THADA: variants seen among roughly 807,000 people sequenced by gnomAD.
The protein encoded by THADA is THADA armadillo repeat containing, also known as tRNA (32-2'-O)-methyltransferase regulator THADA.
Under a neutral mutation model 219.8 loss-of-function variants are expected in THADA, and 213 were observed. That is an observed-to-expected ratio of 0.97 (90% confidence interval 0.87 to 1.09). The LOEUF is 1.09. Ranked by LOEUF, THADA falls within the 50% of genes least tolerant of loss-of-function variation. THADA has a pLI of 0.00. For missense variants in THADA, 2,956 were observed against 2,311.3 expected (o/e 1.28, Z -5.72); for synonymous variants, 1,018 against 828.9 (o/e 1.23, Z -3.92).
chr2:43,538,174 A>G (rs1326091277), intron 21 of THADA, among the ~76,000 whole-genome samples: 2 of 152,194 alleles, frequency 1.3e-5, no homozygotes, highest in Non-Finnish European at 2.9e-5. Context: ...GGCACTGGGT[A>G]TCAGATAGCC....
intron 19 of THADA, among the ~76,000 whole-genome samples, chr2:43,549,982 C>G (rs1373883652): frequency 2.0e-5 from 3 of 152,080 alleles, no homozygotes; most frequent in African/African-American, 7.2e-5. Flanking sequence ...ATGTAATATA[C>G]TGCTTTCTAA....
chr2:43,454,033 C>G (rs566528443), intron 26 of THADA, among the ~76,000 whole-genome samples: 2 of 152,276 alleles, frequency 1.3e-5, no homozygotes, highest in Non-Finnish European at 2.9e-5. Context: ...CATGCACTAC[C>G]ATGCTTGGCT....
intron 3 of THADA, 65 bp from the exon 4 acceptor site, chr2:43,591,019 A>G: frequency 1.9e-5 from 29 of 1,491,382 alleles, no homozygotes; most frequent in Non-Finnish European, 2.7e-5. Context: ...ATGGTTACAG[A>G]TACTCTTTGA....
intron 28 of THADA, among the ~76,000 whole-genome samples, chr2:43,423,785 G>A (rs1388585333): frequency 6.6e-6 from 1 of 152,078 alleles, no homozygotes; most frequent in Non-Finnish European, 1.5e-5. Context: ...TCTTTGACTG[G>A]AACTTGAAAC....
chr2:43,568,583 A>G (rs911344985), intron 14 of THADA, among the ~76,000 whole-genome samples: 1 of 152,194 alleles, frequency 6.6e-6, no homozygotes, highest in Non-Finnish European at 1.5e-5. Context: ...AAAATTCACA[A>G]TCTCAATCCA....
At chr2:43,514,840 A>C (rs191533327) in intron 22 of THADA, among the ~76,000 whole-genome samples, 898 of 80,572 alleles carry the variant, frequency 0.011, 29 homozygotes, top group African/African-American at 0.04. Context: ...TATATATTTT[A>C]TATATAATAA....
At chr2:43,590,087 T>C (rs1701398690) in intron 4 of THADA, among the ~76,000 whole-genome samples, 1 of 152,300 alleles carries the variant, frequency 6.6e-6, no homozygotes, top group South Asian at 2.1e-4. Flanking sequence ...AAACGGTAAG[T>C]GACAATCTTT....
At chr2:43,264,304 A>G in intron 36 of THADA, among the ~76,000 whole-genome samples, 2 of 129,336 alleles carry the variant, frequency 1.5e-5, no homozygotes, top group Admixed American at 8.0e-5. Context: ...TTTTTTTTTG[A>G]GACGGTGTTT....
chr2:43,573,179 T>C (rs943091268), intron 11 of THADA, among the ~76,000 whole-genome samples, 187 bp from the exon 12 acceptor site: 6 of 152,240 alleles, frequency 3.9e-5, no homozygotes, highest in Non-Finnish European at 7.3e-5. Flanking sequence ...TTTGCCCTTT[T>C]GTCAATCATT....
At chr2:43,338,842 C>G (rs954275146) in intron 30 of THADA, among the ~76,000 whole-genome samples, 1 of 152,160 alleles carries the variant, frequency 6.6e-6, no homozygotes, top group African/African-American at 2.4e-5. Flanking sequence ...AGACCCCACT[C>G]TCAAGTCTGT....
chr2:43,392,444 A>G (rs1673502633), intron 29 of THADA, among the ~76,000 whole-genome samples: 1 of 152,142 alleles, frequency 6.6e-6, no homozygotes, highest in Non-Finnish European at 1.5e-5. Context: ...TCCTGTCTGT[A>G]GAATAGAGTG....
intron 31 of THADA, among the ~76,000 whole-genome samples, chr2:43,317,806 C>T (rs1678248990): frequency 6.6e-6 from 1 of 152,062 alleles, no homozygotes; most frequent in Non-Finnish European, 1.5e-5. Context: ...AGGGCAATTC[C>T]CTGAGGACTG....
At chr2:43,475,778 A>G (rs945942639) in intron 26 of THADA, among the ~76,000 whole-genome samples, 1 of 152,254 alleles carries the variant, frequency 6.6e-6, no homozygotes, top group Non-Finnish European at 1.5e-5. Flanking sequence ...TTATGGAATC[A>G]TATATCTAGA....
intron 28 of THADA, among the ~76,000 whole-genome samples, chr2:43,418,886 G>T (rs577883294): frequency 7.2e-5 from 11 of 152,240 alleles, no homozygotes; most frequent in African/African-American, 2.6e-4. Flanking sequence ...AAATGAGAAG[G>T]AATGAAAAGC....
At chr2:43,308,824 G>GT (rs1677174501) in intron 31 of THADA, among the ~76,000 whole-genome samples, 1 of 142,966 alleles carries the variant, frequency 7.0e-6, no homozygotes, top group South Asian at 2.3e-4. Flanking sequence ...GAAAATTAAC[G>GT]TGAGATAGAC....
chr2:43,555,267 A>G (rs1303511126), intron 17 of THADA, among the ~76,000 whole-genome samples: 1 of 151,758 alleles, frequency 6.6e-6, no homozygotes, highest in Non-Finnish European at 1.5e-5. Context: ...AAATTAATAT[A>G]AAATACAGCC....
At chr2:43,352,937 C>T (rs1437126855) in intron 29 of THADA, among the ~76,000 whole-genome samples, 5 of 152,032 alleles carry the variant, frequency 3.3e-5, no homozygotes, top group South Asian at 2.1e-4. Context: ...TTTATTCTCC[C>T]GTTCTATATA....
chr2:43,331,695 T>G (rs1176529736), intron 30 of THADA, among the ~76,000 whole-genome samples: 1 of 152,182 alleles, frequency 6.6e-6, no homozygotes, highest in East Asian at 1.9e-4. Flanking sequence ...TGATATGCTC[T>G]TTTCCTACCA....
At chr2:43,233,097 GT>G in intron 36 of THADA, 1 of 563,038 alleles carries the variant, frequency 1.8e-6, no homozygotes, top group Non-Finnish European at 3.2e-6. Context: ...TGAACCCACT[GT>G]TTCCATGCCC....
Sources: allele counts gnomAD v4.1 joint callset (sites outside exome capture counted in the v4.1 genomes callset), GRCh38; gene constraint gnomAD v4.1.1; transcripts MANE v1.5; gene names NCBI Gene and HGNC (gene_info 2026-07-23, HGNC 2026-07-21).